The following SETD1B variants were observed in gnomAD, a reference collection of about 807,000 sequenced individuals.
The protein encoded by SETD1B is histone-lysine N-methyltransferase SETD1B.
In SETD1B, 7 loss-of-function variants were observed where a neutral mutation model predicts 148.0. The observed-to-expected ratio is 0.05, with a 90% CI of 0.03 to 0.09. The LOEUF (loss-of-function observed/expected upper bound fraction) is 0.09, where lower values mean the gene tolerates loss of function less well. SETD1B is among the 10% of genes least tolerant of loss of function. The pLI, the probability that SETD1B is intolerant of heterozygous loss-of-function variation, is 1.00. For missense variants in SETD1B, 2,155 were observed against 2,729.9 expected, an observed-to-expected ratio of 0.79 and a Z score of 4.69; for synonymous variants, 1,361 against 1,186.5, an observed-to-expected ratio of 1.15 and a Z score of -3.02.
chr12:121,809,565 T>A, intron 5 of SETD1B, 38 bp from the exon 6 acceptor site: 1 of 1,502,080 alleles, frequency 6.7e-7, no homozygotes, highest in Non-Finnish European at 8.9e-7. Context: ...CCATTGCATG[T>A]TTTCCCCCAG....
rs1186635625 is a variant in SETD1B at position 121,822,873 on chromosome 12, T to G, written c.4294T>G (p.Phe1432Val). The change falls in exon 12 of 17, where the codon TTC (phenylalanine) becomes GTC (valine). Residue 1432 changes from phenylalanine (F) to valine (V), a missense_variant. Physicochemically the swap from Phe to Val is conservative, Grantham distance 50. Coordinates refer to ENST00000604567, the MANE Select transcript of SETD1B (RefSeq NM_001353345.2). ...TCGGACACCTGGCCGGGACTTCAGC[T>G]TCACACCCACCTTCTCCGAGCCCAG... ...LPRTPGRDFSFTPTFSEPSGP... is the reference protein window; with the variant it reads ...LPRTPGRDFSVTPTFSEPSGP... 1 of 1,489,462 alleles carries G rather than the reference T, an allele frequency of 6.7e-7. No individual in the cohort carries two copies. The highest frequency in any genetic ancestry group is 2.5e-5 in the East Asian group (1 of 40,304). 92.3% of individuals were successfully genotyped at this position (1,489,462 alleles called of 1,614,324 possible). A position where few individuals can be genotyped will look rare whatever the true frequency, so the allele number is the denominator to read the frequency against.
chr12:121,800,245 C>A (rs1419564313), upstream of SETD1B: 1 of 152,170 alleles, frequency 6.6e-6, no homozygotes, highest in East Asian at 1.9e-4. Flanking sequence ...CGGGGCCCCC[C>A]CTCCGCTTTC....
At chr12:121,800,089 CGGCCGGGGGT>C (rs1187129979), upstream of SETD1B, 6 of 152,066 alleles carry the variant, frequency 3.9e-5, no homozygotes, top group South Asian at 8.3e-4. Context: ...GCGGCCCGGG[CGGCCGGGGGT>C]GGCTGAGTCA....
In SETD1B at chr12:121,822,980, C is replaced by T. The variant is rs1225218446; in HGVS notation, c.4401C>T (p.Leu1467=). ...CCGGGCCCCTGGCCTCCCCGGTGCT[C>T]CTGGAGACGGGCCTGCCCCTCCCTC... ...ERSGPLASPV[L]LETGLPLPLP... The change falls in exon 12 of 17, where the codon CTC becomes CTT. Residue 1467 remains leucine, a synonymous_variant. Transcript: ENST00000604567. The T allele has an allele frequency of 4.6e-6, 7 of 1,536,380 alleles. No homozygotes were observed. The highest frequency in any genetic ancestry group is 6.1e-6 in the Non-Finnish European group (7 of 1,142,310).
At position 121,810,355 on chromosome 12, in the gene SETD1B, C is replaced by A. The variant is rs559808823; in HGVS notation, c.1410C>A (p.Phe470Leu). The change falls in exon 6 of 17, where the codon TTC becomes TTA. Residue 470 changes from phenylalanine (F) to leucine (L), a missense_variant. Physicochemically the swap from Phe to Leu is conservative, Grantham distance 22. Transcript: ENST00000604567. This position sits in a 1 kb window ranked among gnomAD's most constrained non-coding sequence, Gnocchi z 7.6. ...NSMELGGRPT[F>L]GWSPEPCDSP... ...TGGAGCTGGGCGGCCGGCCCACCTT[C>A]GGCTGGAGTCCTGAGCCCTGTGACA... The A allele has an allele frequency of 6.5e-7, 1 of 1,547,038 alleles. No homozygotes were observed. Among genetic ancestry groups the A allele is most frequent in the Non-Finnish European group, 8.7e-7 (1 of 1,146,766 alleles).
At chr12:121,824,646 CAA>C (rs1006520873) in intron 12 of SETD1B, among the ~76,000 whole-genome samples, 1 of 146,042 alleles carries the variant, frequency 6.8e-6, no homozygotes, top group African/African-American at 2.6e-5. Context: ...GACTCTGTCT[CAA>C]AAAAAAAAAA....
At chr12:121,824,480 C>A (rs1465513102) in intron 12 of SETD1B, among the ~76,000 whole-genome samples, 1 of 152,132 alleles carries the variant, frequency 6.6e-6, no homozygotes. Context: ...AACCCCATTT[C>A]TACTAAAAAT....
At chr12:121,791,533 C>T in the SETD1B span, among the ~76,000 whole-genome samples, 41 of 152,246 alleles carry the variant, frequency 2.7e-4, no homozygotes, top group South Asian at 4.8e-3. Context: ...TGCCAGTGGT[C>T]GCCTGCTTCT....
chr12:121,825,909 C>G (rs2122266), intron 13 of SETD1B, among the ~76,000 whole-genome samples: 31,470 of 151,994 alleles, frequency 0.21, 3,643 homozygotes, highest in African/African-American at 0.32. Flanking sequence ...GTCTCCCAAA[C>G]TGCTGGGATT....
chr12:121,814,543 G>T lies in SETD1B; in HGVS notation c.2328G>T (p.Gln776His). Residue 776 changes from glutamine to histidine, a missense_variant, in exon 7 of 17, where the codon CAG (glutamine) becomes CAT (histidine). By Grantham distance (24) the Gln-to-His change is conservative (BLOSUM62 0). Transcript: ENST00000604567. ...GGGGCGGCATGCCCATGTCCTTCCAGATGCAAACGCAGGTGCTCAGCCGGC... is the reference window on the plus strand; with the variant it reads ...GGGGCGGCATGCCCATGTCCTTCCATATGCAAACGCAGGTGCTCAGCCGGC... Reference protein sequence around the residue: ...GQWGGMPMSFQMQTQVLSRLM... With the variant: ...GQWGGMPMSFHMQTQVLSRLM... 1 of 1,488,666 alleles carries T rather than the reference G, an allele frequency of 6.7e-7. No individual in the cohort carries two copies. Among genetic ancestry groups the T allele is most frequent in the Non-Finnish European group, 9.0e-7 (1 of 1,114,116 alleles). 92.2% of individuals were successfully genotyped at this position (1,488,666 alleles called of 1,614,324 possible). A position where few individuals can be genotyped will look rare whatever the true frequency, so the allele number is the denominator to read the frequency against.
intron 10 of SETD1B, among the ~76,000 whole-genome samples, chr12:121,819,026 C>T (rs955036722): frequency 2.1e-4 from 32 of 152,124 alleles, no homozygotes; most frequent in Admixed American, 5.2e-4. Flanking sequence ...AAGTGGATCA[C>T]CTGAGGTCAG....
intron 4 of SETD1B, among the ~76,000 whole-genome samples, chr12:121,807,313 G>A (rs1377941804): frequency 6.6e-6 from 1 of 151,868 alleles, no homozygotes; most frequent in South Asian, 2.1e-4. Context: ...TGGGGGTTGG[G>A]GGGGCAGTGA....
In SETD1B at chr12:121,817,197, C is replaced by G. The variant is rs1487079595; in HGVS notation, c.2880C>G (p.Pro960=). Residue 960 remains proline, a synonymous_variant, in exon 8 of 17, where the codon CCC becomes CCG. Transcript: ENST00000604567. This position sits in a 1 kb window ranked among gnomAD's most constrained non-coding sequence, Gnocchi z 8.1. ...GIGLRGAIRL[P]SFKVKRKEPP... ...GGCTGCGTGGGGCCATTCGCCTGCC[C>G]TCCTTCAAGGTCAAGAGGAAGGAGC... 6 of 1,550,602 alleles carry G rather than the reference C, an allele frequency of 3.9e-6. No individual in the cohort carries two copies. The African/African-American group carries it at 6.8e-5, about 18-fold the overall frequency.
In SETD1B at chr12:121,822,795, A is replaced by C; in HGVS notation, c.4216A>C (p.Ser1406Arg). 6.6e-7 allele frequency: 1 copy of C among 1,511,798 alleles called. No individual in the cohort carries two copies. The highest frequency in any genetic ancestry group is 8.9e-7 in the Non-Finnish European group (1 of 1,124,620). 93.6% of individuals were successfully genotyped at this position (1,511,798 alleles called of 1,614,324 possible). ...LSLSSPQVPG[S>R]PFSYPAPSPS... ...CCTGAGCTCTCCGCAAGTGCCCGGC[A>C]GCCCCTTCTCCTACCCAGCCCCGTC... Residue 1406 changes from serine to arginine, a missense_variant, in exon 12 of 17, where the codon AGC becomes CGC. Ser to Arg is a moderately radical substitution (Grantham distance 110, BLOSUM62 -1). Transcript: ENST00000604567.
rs1353930047 is a variant in SETD1B at position 121,817,571 on chromosome 12, C to T, written c.3179C>T (p.Pro1060Leu). ...SSSSGSSTTSPSSSASDKEEE... is the reference protein window; with the variant it reads ...SSSSGSSTTSLSSSASDKEEE... ...TCCTCGGGGTCCTCAACCACCTCACCCTCGTCCTCGGCCTCCGACAAGGAG... is the reference window on the plus strand; with the variant it reads ...TCCTCGGGGTCCTCAACCACCTCACTCTCGTCCTCGGCCTCCGACAAGGAG... The change falls in exon 9 of 17, where the codon CCC becomes CTC. Residue 1060 changes from proline to leucine, a missense_variant. By Grantham distance (98) the Pro-to-Leu change is moderately conservative. This residue lies in a region of SETD1B where 862 missense variants were observed against 873.8 expected (regional missense o/e 0.99). Transcript: ENST00000604567. The surrounding 1 kb of genome is among the most constrained non-coding windows in gnomAD (Gnocchi z 8.1). 55 of 1,551,424 alleles carry T rather than the reference C, an allele frequency of 3.5e-5. No homozygotes were observed. The highest frequency in any genetic ancestry group is 4.6e-5 in the Non-Finnish European group (53 of 1,146,778).
Position 121,830,269 on chromosome 12 carries a change from C to T in SETD1B, c.*30C>T, listed in dbSNP as rs1877031457. On this transcript the variant is annotated 3_prime_UTR_variant, in exon 17 of 17. Coordinates refer to ENST00000604567, the MANE Select transcript of SETD1B (RefSeq NM_001353345.2). The surrounding 1 kb of genome is among the most constrained non-coding windows in gnomAD (Gnocchi z 5.7). ...CGGCACCAGACTCAAAGGATGTCAG[C>T]CGTAGCCCTGGGACTCCCGAGCGTG... 16 of 1,542,186 alleles carry T rather than the reference C, an allele frequency of 1.0e-5. No individual in the cohort carries two copies. The highest frequency in any genetic ancestry group is 1.4e-5 in the Non-Finnish European group (16 of 1,143,448).
At position 121,827,807 on chromosome 12, in the gene SETD1B, G is replaced by A. The variant is rs758989488; in HGVS notation, c.5542G>A (p.Ala1848Thr). 6.4e-7 allele frequency: 1 copy of A among 1,559,610 alleles called. No individual in the cohort carries two copies. The highest frequency in any genetic ancestry group is 8.7e-7 in the Non-Finnish European group (1 of 1,150,980). ...DWGLFAMEPIAADEMVIEYVG... is the reference protein window; with the variant it reads ...DWGLFAMEPITADEMVIEYVG... The stretch of plus-strand genomic sequence containing the variant: ...GGGCTTGTTCGCCATGGAGCCCATC[G>A]CGGCTGACGAGATGGTCATCGAGTA... The change falls in exon 15 of 17, where the codon GCG (alanine) becomes ACG (threonine). Residue 1848 changes from alanine (A) to threonine (T), a missense_variant. Coordinates refer to ENST00000604567, the MANE Select transcript of SETD1B (RefSeq NM_001353345.2).
At chr12:121,792,933 C>T in the SETD1B span, among the ~76,000 whole-genome samples, 1 of 152,230 alleles carries the variant, frequency 6.6e-6, no homozygotes, top group Non-Finnish European at 1.5e-5. Context: ...GGGAGGGTGG[C>T]CCCAGAGTTC....
chr12:121,818,815 A>G (rs928566536), intron 10 of SETD1B, among the ~76,000 whole-genome samples: 1 of 151,166 alleles, frequency 6.6e-6, no homozygotes, highest in Non-Finnish European at 1.5e-5. Context: ...GCGTGAACCC[A>G]GGAGGCGGAG....
Sources: gnomAD v4.1 joint callset for allele counts (sites outside exome capture counted in the v4.1 genomes callset) on GRCh38, gnomAD v4.1.1 for gene constraint, gnomAD v4.1.1 regional missense constraint, Gnocchi (gnomAD v3.1) non-coding constraint, MANE v1.5 for transcripts, NCBI Gene and HGNC (gene_info 2026-07-23, HGNC 2026-07-21) for gene names.